PPL: variants seen among roughly 807,000 people sequenced by gnomAD.
PPL encodes periplakin.
PPL carries 198 observed loss-of-function variants against 194.4 expected under a neutral mutation model. The ratio of observed to expected loss-of-function variants is 1.02; its 90% CI spans 0.91 to 1.15. PPL has a LOEUF of 1.15. Among genes scored for constraint, PPL ranks in the 50% most tolerant of loss-of-function variants. The pLI, the probability that PPL is intolerant of heterozygous loss-of-function variation, is 0.00. For missense variants in PPL, 2,885 were observed against 2,294.8 expected (o/e 1.26, Z -5.25); for synonymous variants, 1,220 against 972.4 (o/e 1.25, Z -4.74).
chr16:4,895,226 G>A (rs550709529), intron 11 of PPL, 35 bp downstream of exon 11: 1 of 1,565,312 alleles, frequency 6.4e-7, no homozygotes, highest in Non-Finnish European at 8.7e-7. Context: ...CAAAAACTTT[G>A]TAGTGATGTG....
intron 6 of PPL, among the ~76,000 whole-genome samples, 184 bp from the exon 7 acceptor site, chr16:4,899,568 C>A (rs2088511023): frequency 1.6e-5 from 1 of 63,318 alleles, no homozygotes. Flanking sequence ...TCACCTGAAC[C>A]CCTGAAACTC....
intron 20 of PPL, 129 bp downstream of exon 20, chr16:4,887,973 G>A: frequency 1.4e-6 from 1 of 690,690 alleles, no homozygotes; most frequent in East Asian, 2.5e-5. Context: ...TTTGCATGCA[G>A]GAGGGCTCTC....
In PPL at chr16:4,892,060, G is replaced by A; in HGVS notation, c.1804C>T (p.Gln602Ter). The change falls in exon 15 of 22, where the codon CAG becomes TAG. Residue 602 changes from glutamine to a stop codon, truncating the protein, a stop_gained. Coordinates refer to ENST00000345988, the MANE Select transcript of PPL (RefSeq NM_002705.5). LOFTEE classifies it high-confidence loss of function. ...DTNRKYEHLL[Q>*]LLDLAQEKVD... ...TTCTCCTGGGCCAAGTCCAGCAGCTGCAGGAGGTGCTCGTATTTCCGGTTG... is the reference window on the plus strand; with the variant it reads ...TTCTCCTGGGCCAAGTCCAGCAGCTACAGGAGGTGCTCGTATTTCCGGTTG... 6.2e-7 allele frequency: 1 copy of A among 1,613,752 alleles called. No homozygotes were observed. The highest frequency in any genetic ancestry group is 8.5e-7 in the Non-Finnish European group (1 of 1,179,974).
At chr16:4,922,375 A>G (rs1384425171) in intron 1 of PPL, among the ~76,000 whole-genome samples, 1 of 152,106 alleles carries the variant, frequency 6.6e-6, no homozygotes, top group Non-Finnish European at 1.5e-5. Context: ...TAAAAGCCAG[A>G]AGCCAGCTGG....
chr16:4,898,508 A>T (rs1414673454), intron 8 of PPL, among the ~76,000 whole-genome samples: 3 of 152,200 alleles, frequency 2.0e-5, no homozygotes, highest in Non-Finnish European at 4.4e-5. Context: ...TGATATCCTT[A>T]TAAGAAGAGA....
intron 2 of PPL, among the ~76,000 whole-genome samples, chr16:4,909,074 G>T (rs1229250276): frequency 6.6e-6 from 1 of 152,172 alleles, no homozygotes; most frequent in Non-Finnish European, 1.5e-5. Context: ...CAGAGGCCAG[G>T]GAGGCAGGAG....
chr16:4,935,687 G>T (rs956648282), intron 1 of PPL, among the ~76,000 whole-genome samples: 1 of 152,226 alleles, frequency 6.6e-6, no homozygotes, highest in African/African-American at 2.4e-5. Context: ...GAAAGGGCTG[G>T]AAGGCCCCGG....
chr16:4,903,865 T>C (rs2088626641), intron 3 of PPL, 21 bp downstream of exon 3: 2 of 1,612,302 alleles, frequency 1.2e-6, no homozygotes, highest in East Asian at 4.5e-5. Context: ...TCCCCTGGGG[T>C]AAGAAGCAGA....
Position 4,890,931 on chromosome 16 carries a change from CAG to C in PPL, c.1969-12_1969-11del. 1 of 1,508,376 alleles carries C rather than the reference CAG, an allele frequency of 6.6e-7. No individual in the cohort carries two copies. Among genetic ancestry groups the C allele is most frequent in the Non-Finnish European group, 8.9e-7 (1 of 1,121,592 alleles). 93.4% of individuals were successfully genotyped at this position (1,508,376 alleles called of 1,614,324 possible). Reference sequence around the variant, plus strand: ...ACTCACAGGCCATGGCCTGGCGGGGCAGAGGAGGAGACGGCGGTGCTACGGCC... The same window carrying C: ...ACTCACAGGCCATGGCCTGGCGGGGCAGGAGGAGACGGCGGTGCTACGGCC... On this transcript the variant is annotated splice_polypyrimidine_tract_variant and intron_variant, in intron 16 of 21. Coordinates refer to ENST00000345988, the MANE Select transcript of PPL (RefSeq NM_002705.5).
intron 1 of PPL, among the ~76,000 whole-genome samples, chr16:4,928,113 G>C (rs182535833): frequency 2.0e-5 from 3 of 152,290 alleles, no homozygotes; most frequent in South Asian, 4.1e-4. Flanking sequence ...TGTCACTCTG[G>C]GTTCAGGACC....
chr16:4,918,895 G>C (rs969480253), intron 1 of PPL, among the ~76,000 whole-genome samples: 33 of 152,250 alleles, frequency 2.2e-4, no homozygotes, highest in African/African-American at 7.7e-4. Flanking sequence ...CTGGGAAACC[G>C]GCTAGGCTGG....
rs559304588 is a variant in PPL, at chr16:4,894,701, T to C, written c.1243-83A>G. The C allele has an allele frequency of 2.6e-3, 3,923 of 1,512,498 alleles. 8 individuals carry two copies. The highest frequency in any genetic ancestry group is 3.2e-3 in the Non-Finnish European group (3,607 of 1,120,726). The allele number at this position is 1,512,498 out of a possible 1,614,324, so 93.7% of individuals were successfully genotyped here. A position where few individuals can be genotyped will look rare whatever the true frequency, so the allele number is the denominator to read the frequency against. On this transcript the variant is annotated intron_variant, in intron 11 of 21. Coordinates refer to ENST00000345988, the MANE Select transcript of PPL (RefSeq NM_002705.5). ...CGGTTGCCATCTCAGCCCCCGACTC[T>C]TGGACCTGGGGAGCCCCGGCTCATC...
intron 1 of PPL, among the ~76,000 whole-genome samples, chr16:4,911,929 T>G (rs1055799606): frequency 7.2e-5 from 11 of 151,836 alleles, no homozygotes; most frequent in Admixed American, 3.3e-4. Context: ...CTCGAACTCC[T>G]GAGCTCAAGC....
At chr16:4,916,413 T>C (rs573778554) in intron 1 of PPL, among the ~76,000 whole-genome samples, 2 of 152,268 alleles carry the variant, frequency 1.3e-5, no homozygotes, top group East Asian at 1.9e-4. Flanking sequence ...GGTTTTGCCA[T>C]GTTGGCCAGG....
Position 4,890,977 on chromosome 16 carries a change from C to T in PPL, c.1969-56G>A, listed in dbSNP as rs554868261. ...TACGGCCAGAGCTCCCAGAGCCAGG[C>T]GATGACACCCACTGAAGCCCCTGGG... On this transcript the variant is annotated intron_variant, in intron 16 of 21. Coordinates refer to ENST00000345988, the MANE Select transcript of PPL (RefSeq NM_002705.5). 2.1e-5 allele frequency: 30 copies of T among 1,432,162 alleles called. No homozygotes were observed. In the Admixed American group the frequency reaches 3.3e-4, roughly 16 times the overall value. The allele number at this position is 1,432,162 out of a possible 1,614,324, so 88.7% of individuals were successfully genotyped here.
rs558138686 is a variant in PPL at position 4,885,762 on chromosome 16, G to T, written c.2893C>A (p.Gln965Lys). Reference protein sequence around the residue: ...RTLAEEQHKNQLLQEELEALQ... With the variant: ...RTLAEEQHKNKLLQEELEALQ... Reference sequence around the variant, plus strand: ...GCCTCCAGCTCCTCCTGCAGCAGCTGGTTCTTGTGCTGCTCCTCTGCCAGC... The same window carrying T: ...GCCTCCAGCTCCTCCTGCAGCAGCTTGTTCTTGTGCTGCTCCTCTGCCAGC... Residue 965 changes from glutamine to lysine, a missense_variant, in exon 22 of 22, where the codon CAG becomes AAG. Transcript: ENST00000345988. This position sits in a 1 kb window ranked among gnomAD's most constrained non-coding sequence, Gnocchi z 6.3. The T allele has an allele frequency of 8.9e-5, 144 of 1,612,172 alleles. 1 individual carries two copies. In the South Asian group the frequency reaches 1.5e-3, roughly 17 times the overall value.
At chr16:4,925,856 G>A (rs948833033) in intron 1 of PPL, among the ~76,000 whole-genome samples, 6 of 152,168 alleles carry the variant, frequency 3.9e-5, no homozygotes, top group Admixed American at 2.6e-4. Flanking sequence ...AAGAGACATC[G>A]GAGAGACAGG....
At chr16:4,919,313 A>T (rs962284920) in intron 1 of PPL, among the ~76,000 whole-genome samples, 1 of 152,190 alleles carries the variant, frequency 6.6e-6, no homozygotes, top group African/African-American at 2.4e-5. Context: ...TAGGAGAAAG[A>T]CTTCAGGTCT....
At position 4,902,507 on chromosome 16, in the gene PPL, G is replaced by T. The variant is rs759314686; in HGVS notation, c.337C>A (p.Arg113Ser). The change falls in exon 4 of 22, where the codon CGT (arginine) becomes AGT (serine). Residue 113 changes from arginine (R) to serine (S), a missense_variant. By Grantham distance (110) the Arg-to-Ser change is moderately radical (BLOSUM62 -1). Coordinates refer to ENST00000345988, the MANE Select transcript of PPL (RefSeq NM_002705.5). This position sits in a 1 kb window ranked among gnomAD's most constrained non-coding sequence, Gnocchi z 4.0. ...IAEDIRQLKE[R>S]VTNLRGKHKQ... ...TGTTTCCCGCGCAGGTTGGTCACACGCTCCTTCAGCTGGCGGATACTGATG... is the reference window on the plus strand; with the variant it reads ...TGTTTCCCGCGCAGGTTGGTCACACTCTCCTTCAGCTGGCGGATACTGATG... 1.9e-6 allele frequency: 3 copies of T among 1,613,508 alleles called. No individual in the cohort carries two copies. Among genetic ancestry groups the T allele is most frequent in the East Asian group, 2.2e-5 (1 of 44,846 alleles).
Sources: allele counts gnomAD v4.1 joint callset (sites outside exome capture counted in the v4.1 genomes callset), GRCh38; gene constraint gnomAD v4.1.1; non-coding constraint Gnocchi (gnomAD v3.1); transcripts MANE v1.5; gene names NCBI Gene and HGNC (gene_info 2026-07-23, HGNC 2026-07-21).